Variants in TENM2 observed in about 807,000 individuals in gnomAD.
TENM2 encodes the protein teneurin transmembrane protein 2.
Under a neutral mutation model 245.2 loss-of-function variants are expected in TENM2, and 52 were observed. That is an observed-to-expected ratio of 0.21 (90% CI 0.17 to 0.27). TENM2 has a LOEUF of 0.27. TENM2 is among the 10% of genes least tolerant of loss of function. The probability of loss-of-function intolerance (pLI) is 1.00; values close to 1 mark genes in which losing one functional copy is unlikely to be tolerated. For synonymous variants in TENM2, 1,363 were observed against 1,438.9 expected (o/e 0.95, Z 1.19); for missense variants, 3,046 against 3,666.8 (o/e 0.83, Z 4.37).
the TENM2 span, among the ~76,000 whole-genome samples, chr5:167,147,466 G>C: frequency 6.6e-6 from 1 of 152,034 alleles, no homozygotes; most frequent in Non-Finnish European, 1.5e-5. Flanking sequence ...AAGTAGTTAA[G>C]CAGTAGCAGC....
At chr5:167,792,310 A>T (rs1234653983) in intron 2 of TENM2, among the ~76,000 whole-genome samples, 1 of 152,072 alleles carries the variant, frequency 6.6e-6, no homozygotes, top group Non-Finnish European at 1.5e-5. Context: ...AGGATCAGCC[A>T]TTGCCTTTGG....
chr5:167,867,550 G>A (rs2064877264), intron 2 of TENM2, among the ~76,000 whole-genome samples: 2 of 152,172 alleles, frequency 1.3e-5, no homozygotes, highest in African/African-American at 4.8e-5. Context: ...AAAACGATTT[G>A]TTTTCAAGAA....
the TENM2 span, among the ~76,000 whole-genome samples, chr5:167,166,875 C>G: frequency 3.9e-5 from 6 of 152,156 alleles, no homozygotes; most frequent in Non-Finnish European, 8.8e-5. Flanking sequence ...TCTCAGGAAT[C>G]TCAAACCTAC....
At chr5:167,766,421 C>T (rs981969293) in intron 2 of TENM2, among the ~76,000 whole-genome samples, 1 of 152,158 alleles carries the variant, frequency 6.6e-6, no homozygotes, top group Non-Finnish European at 1.5e-5. Context: ...ATTATTTTAT[C>T]AAAAGTGCAA....
At chr5:167,841,483 T>G (rs1411400685) in intron 2 of TENM2, among the ~76,000 whole-genome samples, 3 of 152,212 alleles carry the variant, frequency 2.0e-5, no homozygotes, top group African/African-American at 7.2e-5. Flanking sequence ...CACTTTGCCA[T>G]TTGCAGTATC....
At chr5:168,177,579 G>A (rs1385579542) in intron 13 of TENM2, among the ~76,000 whole-genome samples, 1 of 152,236 alleles carries the variant, frequency 6.6e-6, no homozygotes, top group African/African-American at 2.4e-5. Flanking sequence ...GCTCATGCCT[G>A]TAATCCCAGC....
chr5:167,644,910 G>A (rs1447443236), intron 2 of TENM2, among the ~76,000 whole-genome samples: 1 of 152,148 alleles, frequency 6.6e-6, no homozygotes, highest in Non-Finnish European at 1.5e-5. Flanking sequence ...ATATGCGAGT[G>A]TACTTACATG....
chr5:167,587,310 A>G (rs532081511), intron 2 of TENM2, among the ~76,000 whole-genome samples: 1 of 152,190 alleles, frequency 6.6e-6, no homozygotes, highest in Non-Finnish European at 1.5e-5. Flanking sequence ...TAGAATTTTC[A>G]ATATTAGCCT....
At chr5:167,865,644 C>G (rs182457762) in intron 2 of TENM2, among the ~76,000 whole-genome samples, 1 of 151,872 alleles carries the variant, frequency 6.6e-6, no homozygotes, top group Non-Finnish European at 1.5e-5. Context: ...GGTCGCGCTA[C>G]CATGCCTGAA....
chr5:167,492,480 T>C (rs1768495704), intron 2 of TENM2, among the ~76,000 whole-genome samples: 1 of 152,118 alleles, frequency 6.6e-6, no homozygotes, highest in African/African-American at 2.4e-5. Flanking sequence ...TTAGCATTCA[T>C]TAAATAATAC....
the TENM2 span, among the ~76,000 whole-genome samples, chr5:167,021,219 C>A: frequency 2.6e-5 from 4 of 152,110 alleles, no homozygotes; most frequent in Non-Finnish European, 5.9e-5. Context: ...TATAACCTTT[C>A]ACATAAAATA....
intron 2 of TENM2, among the ~76,000 whole-genome samples, chr5:167,495,754 A>G (rs976702188): frequency 1.3e-5 from 2 of 152,082 alleles, no homozygotes; most frequent in African/African-American, 4.8e-5. Context: ...CTACCTAAAA[A>G]CAAAAGAAAA....
At chr5:167,877,057 A>C (rs534171700) in intron 3 of TENM2, among the ~76,000 whole-genome samples, 1 of 152,310 alleles carries the variant, frequency 6.6e-6, no homozygotes, top group South Asian at 2.1e-4. Context: ...ATAAGTGTCC[A>C]TGGCCCAGGG....
intron 2 of TENM2, among the ~76,000 whole-genome samples, chr5:167,420,100 C>T (rs1435199076): frequency 1.3e-5 from 2 of 152,142 alleles, no homozygotes; most frequent in Non-Finnish European, 2.9e-5. Context: ...CACCAAAATT[C>T]CTGGTGACCA....
intron 2 of TENM2, among the ~76,000 whole-genome samples, chr5:167,392,046 A>G (rs1761789474): frequency 6.6e-6 from 1 of 152,094 alleles, no homozygotes; most frequent in Non-Finnish European, 1.5e-5. Context: ...ATTTTTCTTT[A>G]GGGTTCCCTG....
intron 2 of TENM2, among the ~76,000 whole-genome samples, chr5:167,557,509 T>C (rs866790880): frequency 6.6e-6 from 1 of 152,354 alleles, no homozygotes; most frequent in Middle Eastern, 3.4e-3. Context: ...CACAAGGTTA[T>C]GTAACAGTTT....
chr5:168,224,646 C>T (rs1483435160), intron 23 of TENM2, among the ~76,000 whole-genome samples: 4 of 152,154 alleles, frequency 2.6e-5, no homozygotes, highest in South Asian at 2.1e-4. Context: ...ACCCCCCATC[C>T]CCACGCGCTG....
chr5:167,565,084 C>CAACA (rs1773827021), intron 2 of TENM2, among the ~76,000 whole-genome samples: 1 of 152,216 alleles, frequency 6.6e-6, no homozygotes, highest in Non-Finnish European at 1.5e-5. Context: ...TGATAGACTG[C>CAACA]AACAGAGTGC....
chr5:167,892,086 T>C (rs1263073408), intron 3 of TENM2, among the ~76,000 whole-genome samples: 1 of 152,232 alleles, frequency 6.6e-6, no homozygotes, highest in African/African-American at 2.4e-5. Flanking sequence ...TATAACATAT[T>C]CTTGATTGTA....
Sources: allele counts gnomAD v4.1 joint callset (sites outside exome capture counted in the v4.1 genomes callset), GRCh38; gene constraint gnomAD v4.1.1; transcripts MANE v1.5; gene names NCBI Gene and HGNC (gene_info 2026-07-23, HGNC 2026-07-21).